CBFA2T3: variants seen among roughly 807,000 people sequenced by gnomAD.
CBFA2T3 encodes the protein CBFA2/RUNX1 partner transcriptional co-repressor 3.
A neutral mutation model predicts 58.6 loss-of-function variants in CBFA2T3; 31 were observed. The ratio of observed to expected loss-of-function variants is 0.53; its 90% CI spans 0.40 to 0.71. CBFA2T3 has a LOEUF of 0.71. Among genes scored for constraint, CBFA2T3 ranks in the 30% least tolerant of loss-of-function variants. The pLI is 0.00. For missense variants in CBFA2T3, 1,076 were observed against 963.1 expected, an observed-to-expected ratio of 1.12 and a Z score of -1.55; for synonymous variants, 531 against 421.9, an observed-to-expected ratio of 1.26 and a Z score of -3.17.
chr16:88,945,316 G>A (rs1971873873), intron 1 of CBFA2T3, among the ~76,000 whole-genome samples: 1 of 152,156 alleles, frequency 6.6e-6, no homozygotes, highest in Non-Finnish European at 1.5e-5. Context: ...TGGCAGGTTG[G>A]ATTTCATTAA....
chr16:88,896,365 G>A (rs1193537198), intron 3 of CBFA2T3, among the ~76,000 whole-genome samples: 3 of 152,146 alleles, frequency 2.0e-5, no homozygotes, highest in African/African-American at 4.8e-5. Flanking sequence ...TCTTAGCAGC[G>A]CCTTCCTGGG....
chr16:88,886,554 A>G (rs2142558950), intron 5 of CBFA2T3: 1 of 161,504 alleles, frequency 6.2e-6, no homozygotes, highest in Non-Finnish European at 1.3e-5. Context: ...ACATGACCCA[A>G]CACAGCTGGG....
chr16:88,885,900 G>C lies in CBFA2T3; in HGVS notation c.893+61C>G. 7.0e-7 allele frequency: 1 copy of C among 1,424,808 alleles called. No individual in the cohort carries two copies. The highest frequency in any genetic ancestry group is 9.6e-7 in the Non-Finnish European group (1 of 1,043,052). 88.3% of individuals were successfully genotyped at this position (1,424,808 alleles called of 1,614,324 possible). A position where few individuals can be genotyped will look rare whatever the true frequency, so the allele number is the denominator to read the frequency against. On this transcript the variant is annotated intron_variant, in intron 6 of 11. Transcript: ENST00000268679. This position sits in a 1 kb window ranked among gnomAD's most constrained non-coding sequence, Gnocchi z 5.3. ...GAGGTTCCCTCTCTTACCCAGAGGG[G>C]AGCAGGGTGAGCCGCGTGTCCACGG...
intron 1 of CBFA2T3, chr16:88,951,384 A>G (rs925898722): frequency 2.9e-5 from 13 of 453,820 alleles, no homozygotes; most frequent in Admixed American, 2.4e-4. Context: ...TTTCCTTATC[A>G]TACAATTCTT....
At chr16:88,941,938 C>G (rs1158169146) in intron 1 of CBFA2T3, 1 of 150,594 alleles carries the variant, frequency 6.6e-6, no homozygotes, top group African/African-American at 2.4e-5. Flanking sequence ...CCCGCGCTCG[C>G]CCCCAGCGCG....
At chr16:88,895,811 G>A (rs1969867474) in intron 3 of CBFA2T3, among the ~76,000 whole-genome samples, 1 of 152,308 alleles carries the variant, frequency 6.6e-6, no homozygotes, top group African/African-American at 2.4e-5. Context: ...CTCGAGGGCT[G>A]GGGGAAGCTG....
At chr16:88,972,156 A>C (rs1286330071) in intron 1 of CBFA2T3, among the ~76,000 whole-genome samples, 1 of 148,410 alleles carries the variant, frequency 6.7e-6, no homozygotes, top group Non-Finnish European at 1.5e-5. Flanking sequence ...GGTATGGGGA[A>C]GGAGCGGAGC....
intron 1 of CBFA2T3, among the ~76,000 whole-genome samples, chr16:88,970,287 C>A (rs1276793595): frequency 2.6e-5 from 4 of 152,194 alleles, no homozygotes; most frequent in African/African-American, 9.6e-5. Flanking sequence ...CAGGCAGCAC[C>A]TGCGTGGGGC....
intron 1 of CBFA2T3, among the ~76,000 whole-genome samples, chr16:88,919,449 G>GTT: frequency 6.6e-6 from 1 of 152,188 alleles, no homozygotes; most frequent in South Asian, 2.1e-4. Flanking sequence ...GCAGCACCAG[G>GTT]GAACAAGCAC....
intron 7 of CBFA2T3, chr16:88,883,263 G>C (rs1490131812): frequency 5.9e-6 from 1 of 169,234 alleles, no homozygotes; most frequent in Non-Finnish European, 1.3e-5. Context: ...GGAGGAGCTG[G>C]TCTCAGTCAT....
At position 88,879,452 on chromosome 16, in the gene CBFA2T3, C is replaced by T. The variant is rs138801764; in HGVS notation, c.1480G>A (p.Val494Met). 7.3e-5 allele frequency: 117 copies of T among 1,610,934 alleles called. No homozygotes were observed. Among genetic ancestry groups the T allele is most frequent in the East Asian group, 2.2e-5 (1 of 44,806 alleles). ...ATGGCCTGCCGCTTCACCTCATTCACGGCCTCTTCTGCAAAGGACATGGGC... is the reference window on the plus strand; with the variant it reads ...ATGGCCTGCCGCTTCACCTCATTCATGGCCTCTTCTGCAAAGGACATGGGC... ...EDIWRKAEEA[V>M]NEVKRQAMSE... is the part of the protein sequence containing the mutation. The change falls in exon 11 of 12, where the codon GTG (valine) becomes ATG (methionine). Residue 494 changes from valine to methionine, a missense_variant. Val to Met is a conservative substitution (Grantham distance 21). Transcript: ENST00000268679.
chr16:88,875,493 G>A lies in CBFA2T3; in HGVS notation c.*1483C>T, dbSNP rs1183815453. 2 of 233,692 alleles carry A rather than the reference G, an allele frequency of 8.6e-6. No individual in the cohort carries two copies. Among genetic ancestry groups the A allele is most frequent in the African/African-American group, 2.2e-5 (1 of 45,262 alleles). The allele number at this position is 233,692 out of a possible 1,614,324, so 14.5% of individuals were successfully genotyped here. A position where few individuals can be genotyped will look rare whatever the true frequency, so the allele number is the denominator to read the frequency against. ...GGTCTTCCCTGGGGAGGAGGCAGAG[G>A]GCTGCTTTTGTTTGTAGTTTTTTTG... On this transcript the variant is annotated 3_prime_UTR_variant, in exon 12 of 12. Coordinates refer to ENST00000268679, the MANE Select transcript of CBFA2T3 (RefSeq NM_005187.6).
Position 88,926,389 on chromosome 16 carries a change from T to TG in CBFA2T3, c.152-24734dup, listed in dbSNP as rs764524779. Among the ~76,000 whole-genome samples, 59 of 152,268 alleles carry TG rather than the reference T, an allele frequency of 3.9e-4. 1 individual carries two copies. Among genetic ancestry groups the TG allele is most frequent in the Non-Finnish European group, 5.0e-4 (34 of 68,004 alleles). On this transcript the variant is annotated intron_variant, in intron 1 of 11. Coordinates refer to ENST00000268679, the MANE Select transcript of CBFA2T3 (RefSeq NM_005187.6). ...CCGAGGGACCTGGCGTGCTATGGGCTGGGGGGCGTCTGTCCCAGCCTCGTC... is the reference window on the plus strand; with the variant it reads ...CCGAGGGACCTGGCGTGCTATGGGCTGGGGGGGCGTCTGTCCCAGCCTCGTC...
chr16:88,929,071 C>T (rs1971185661), intron 1 of CBFA2T3, among the ~76,000 whole-genome samples: 2 of 150,250 alleles, frequency 1.3e-5, no homozygotes, highest in African/African-American at 2.4e-5. Flanking sequence ...ATCTGGCTGC[C>T]GAGTGCAAAA....
At chr16:88,963,029 A>G (rs1326986533) in intron 1 of CBFA2T3, among the ~76,000 whole-genome samples, 1 of 152,238 alleles carries the variant, frequency 6.6e-6, no homozygotes, top group East Asian at 1.9e-4. Context: ...CCACATCCTC[A>G]GCACCTGAGC....
At chr16:88,892,068 C>G in intron 4 of CBFA2T3, 97 bp from the exon 5 acceptor site, 1 of 1,364,994 alleles carries the variant, frequency 7.3e-7, no homozygotes, top group Non-Finnish European at 1.0e-6. Flanking sequence ...GTGTTGGAGG[C>G]AGGCAGGCAG....
At chr16:88,975,305 G>A (rs1168160971) in intron 1 of CBFA2T3, among the ~76,000 whole-genome samples, 3 of 143,882 alleles carry the variant, frequency 2.1e-5, no homozygotes, top group Non-Finnish European at 4.7e-5. Flanking sequence ...CAGGCACGGG[G>A]CCACCTCTTG....
intron 1 of CBFA2T3, among the ~76,000 whole-genome samples, chr16:88,976,341 G>T (rs552165655): frequency 6.6e-6 from 1 of 152,040 alleles, no homozygotes; most frequent in Non-Finnish European, 1.5e-5. Context: ...TCCCGGCTGC[G>T]GCCCTCCCAC....
intron 1 of CBFA2T3, chr16:88,957,782 AC>A (rs1972254950): frequency 1.3e-5 from 2 of 152,322 alleles, no homozygotes; most frequent in Admixed American, 6.5e-5. Flanking sequence ...CCGCTTACAC[AC>A]AACACCGGAA....
Sources: gnomAD v4.1 joint callset for allele counts (sites outside exome capture counted in the v4.1 genomes callset) on GRCh38, gnomAD v4.1.1 for gene constraint, Gnocchi (gnomAD v3.1) non-coding constraint, MANE v1.5 for transcripts, NCBI Gene and HGNC (gene_info 2026-07-23, HGNC 2026-07-21) for gene names.